PTPRG: variants seen among roughly 807,000 people sequenced by gnomAD.
The protein encoded by PTPRG is receptor-type tyrosine-protein phosphatase gamma.
PTPRG carries 102 observed loss-of-function variants against 165.3 expected under a neutral mutation model. The ratio of observed to expected loss-of-function variants is 0.62; its 90% CI spans 0.53 to 0.73. The LOEUF (loss-of-function observed/expected upper bound fraction) is 0.73, where lower values mean the gene tolerates loss of function less well. Ranked by LOEUF, PTPRG falls within the 30% of genes least tolerant of loss-of-function variation. The probability of loss-of-function intolerance (pLI) is 0.00; values close to 1 mark genes in which losing one functional copy is unlikely to be tolerated. For missense variants in PTPRG, 1,866 were observed against 1,861.4 expected (o/e 1.00, Z -0.05); for synonymous variants, 675 against 669.5 (o/e 1.01, Z -0.13).
Position 61,572,690 on chromosome 3 carries a change from C to T in PTPRG, c.85+10318C>T, listed in dbSNP as rs191948993. Reference sequence around the variant, plus strand: ...AGCCCCGGCCCTCATGACAGCTTCCCGTGAAAGTGGGGTTACTCTTGAAAA... The same window carrying T: ...AGCCCCGGCCCTCATGACAGCTTCCTGTGAAAGTGGGGTTACTCTTGAAAA... On this transcript the variant is annotated intron_variant, in intron 1 of 29. Transcript: ENST00000474889. Among the ~76,000 whole-genome samples, 177 of 152,218 alleles carry T rather than the reference C, an allele frequency of 1.2e-3. 1 individual carries two copies. The highest frequency in any genetic ancestry group is 2.1e-3 in the South Asian group (10 of 4,812).
chr3:61,841,143 A>G (rs1324695476), intron 2 of PTPRG, among the ~76,000 whole-genome samples: 1 of 152,142 alleles, frequency 6.6e-6, no homozygotes, highest in African/African-American at 2.4e-5. Flanking sequence ...AACTTTAACA[A>G]TGAAAAAAGC....
At chr3:61,656,466 G>A (rs1383029525) in intron 1 of PTPRG, among the ~76,000 whole-genome samples, 1 of 152,220 alleles carries the variant, frequency 6.6e-6, no homozygotes, top group East Asian at 1.9e-4. Context: ...GAATACTCTT[G>A]TGATGAGTGG....
chr3:62,208,206 C>T (rs561345592), intron 12 of PTPRG, among the ~76,000 whole-genome samples: 5 of 152,134 alleles, frequency 3.3e-5, no homozygotes, highest in African/African-American at 7.2e-5. Flanking sequence ...TTTTTTCTAG[C>T]GTTTCTTTAG....
intron 2 of PTPRG, among the ~76,000 whole-genome samples, chr3:61,944,211 A>G (rs2039699896): frequency 6.6e-6 from 1 of 152,124 alleles, no homozygotes; most frequent in African/African-American, 2.4e-5. Context: ...ATTTGTGACA[A>G]CGAAGCCTCC....
At chr3:61,887,608 G>A (rs1235025304) in intron 2 of PTPRG, among the ~76,000 whole-genome samples, 1 of 151,994 alleles carries the variant, frequency 6.6e-6, no homozygotes, top group African/African-American at 2.4e-5. Context: ...TTTGATTGCT[G>A]TGTGGTAGTT....
At chr3:61,659,286 C>G (rs7618977) in intron 1 of PTPRG, 818,781 of 983,608 alleles carry the variant, frequency 0.83, 342,399 homozygotes, top group South Asian at 0.9. Context: ...TTTCTTTCAT[C>G]GACAAAGGCA....
chr3:62,088,587 A>G lies in PTPRG; in HGVS notation c.615+10329A>G, dbSNP rs144178261. 7.0e-3 allele frequency among the ~76,000 whole-genome samples: 1,068 copies of G among 152,320 alleles called. 14 individuals carry two copies. The highest frequency in any genetic ancestry group is 0.025 in the African/African-American group (1,021 of 41,580). The stretch of plus-strand genomic sequence containing the variant: ...CGCCCTGTTAAATTAAAGCACCCAC[A>G]TGGGTATTTGTTTGCAGACACTGCA... On this transcript the variant is annotated intron_variant, in intron 5 of 29. Coordinates refer to ENST00000474889, the MANE Select transcript of PTPRG (RefSeq NM_002841.4).
intron 5 of PTPRG, among the ~76,000 whole-genome samples, chr3:62,082,482 GT>G (rs1284716415): frequency 2.6e-5 from 4 of 152,164 alleles, no homozygotes; most frequent in Non-Finnish European, 5.9e-5. Context: ...CTTTTCTTCA[GT>G]TAAATATGGA....
chr3:61,759,799 G>GTT (rs74970726), intron 2 of PTPRG, among the ~76,000 whole-genome samples: 4 of 146,034 alleles, frequency 2.7e-5, no homozygotes, highest in African/African-American at 1.0e-4. Context: ...TCTTCTTGAG[G>GTT]TTTTTTTTTT....
Position 61,958,873 on chromosome 3 carries a change from T to C in PTPRG, c.191-30752T>C, listed in dbSNP as rs536296428. Reference sequence around the variant, plus strand: ...AATGGAAATCCACACGAACTTACTTTAGGCAAAGGCAGGAGGTTCTTTGGA... The same window carrying C: ...AATGGAAATCCACACGAACTTACTTCAGGCAAAGGCAGGAGGTTCTTTGGA... On this transcript the variant is annotated intron_variant, in intron 2 of 29. Coordinates refer to ENST00000474889, the MANE Select transcript of PTPRG (RefSeq NM_002841.4). 3.0e-4 allele frequency among the ~76,000 whole-genome samples: 45 copies of C among 152,292 alleles called. No homozygotes were observed. The Middle Eastern group carries it at 0.01, about 35-fold the overall frequency.
At chr3:62,133,447 C>A (rs1703591189) in intron 6 of PTPRG, among the ~76,000 whole-genome samples, 1 of 152,210 alleles carries the variant, frequency 6.6e-6, no homozygotes, top group African/African-American at 2.4e-5. Context: ...GATAAAACAT[C>A]TTCACACCTT....
chr3:61,844,796 C>T (rs1278137461), intron 2 of PTPRG, among the ~76,000 whole-genome samples: 2 of 152,110 alleles, frequency 1.3e-5, no homozygotes, highest in Admixed American at 6.5e-5. Flanking sequence ...AGCCACCACA[C>T]CTGGCCAGCA....
intron 8 of PTPRG, among the ~76,000 whole-genome samples, chr3:62,179,832 T>C (rs1468659522): frequency 1.3e-5 from 2 of 152,144 alleles, no homozygotes; most frequent in African/African-American, 4.8e-5. Context: ...CCTTACCAAA[T>C]GATCAGTTGG....
intron 1 of PTPRG, among the ~76,000 whole-genome samples, chr3:61,721,022 C>T (rs1270687678): frequency 1.3e-5 from 2 of 152,176 alleles, no homozygotes; most frequent in Non-Finnish European, 2.9e-5. Context: ...AGACATCTCT[C>T]TGGTGATTGT....
At chr3:62,145,077 C>T (rs751385171) in intron 6 of PTPRG, among the ~76,000 whole-genome samples, 4 of 152,034 alleles carry the variant, frequency 2.6e-5, no homozygotes, top group Non-Finnish European at 5.9e-5. Flanking sequence ...TTGGGACTAC[C>T]GTGTGTGATT....
At chr3:61,789,239 A>G (rs977813526) in intron 2 of PTPRG, among the ~76,000 whole-genome samples, 3 of 152,092 alleles carry the variant, frequency 2.0e-5, no homozygotes, top group East Asian at 3.9e-4. Flanking sequence ...AGCAGGAACA[A>G]TGAGTGCATG....
intron 2 of PTPRG, among the ~76,000 whole-genome samples, chr3:61,903,442 C>A (rs1445217170): frequency 6.6e-6 from 1 of 152,162 alleles, no homozygotes; most frequent in African/African-American, 2.4e-5. Flanking sequence ...GGCACAATCT[C>A]GGCTCACTGC....
In PTPRG at chr3:62,210,734, C is replaced by T. The variant is rs1312596928; in HGVS notation, c.2155+6784C>T. Among the ~76,000 whole-genome samples the T allele has an allele frequency of 6.6e-6, 1 of 152,180 alleles. No individual in the cohort carries two copies. The highest frequency in any genetic ancestry group is 1.5e-5 in the Non-Finnish European group (1 of 68,038). ...GAGAATGAAGACCTTTATGATGACC[C>T]ACTTCCACTTAATGAATAGTAAATA... On this transcript the variant is annotated intron_variant, in intron 12 of 29. Coordinates refer to ENST00000474889, the MANE Select transcript of PTPRG (RefSeq NM_002841.4). The surrounding 1 kb of genome is among the most constrained non-coding windows in gnomAD (Gnocchi z 4.1).
intron 2 of PTPRG, among the ~76,000 whole-genome samples, chr3:61,846,488 T>A (rs2036809118): frequency 6.6e-6 from 1 of 152,196 alleles, no homozygotes; most frequent in Admixed American, 6.5e-5. Flanking sequence ...TGACCTTGAA[T>A]AAAGTACCTT....
Sources: gnomAD v4.1 joint callset for allele counts (sites outside exome capture counted in the v4.1 genomes callset) on GRCh38, gnomAD v4.1.1 for gene constraint, Gnocchi (gnomAD v3.1) non-coding constraint, MANE v1.5 for transcripts, NCBI Gene and HGNC (gene_info 2026-07-23, HGNC 2026-07-21) for gene names.